The following SLC71A1 variants were observed in gnomAD, a reference collection of about 807,000 sequenced individuals.
The protein encoded by SLC71A1 is hippocampus abundant gene transcript 1.
chr1:100,063,833 A>G, the SLC71A1 span, among the ~76,000 whole-genome samples: 3 of 152,130 alleles, frequency 2.0e-5, no homozygotes, highest in Non-Finnish European at 4.4e-5. Flanking sequence ...GACCCCTGTG[A>G]TCTTTTTTCT....
the SLC71A1 span, among the ~76,000 whole-genome samples, chr1:100,081,738 A>G: frequency 0.048 from 7,380 of 152,250 alleles, 208 homozygotes; most frequent in African/African-American, 0.067. Flanking sequence ...TTAATCATAG[A>G]ATAGCTGTGT....
the SLC71A1 span, among the ~76,000 whole-genome samples, chr1:100,074,987 T>A: frequency 1.3e-5 from 2 of 152,248 alleles, no homozygotes; most frequent in Non-Finnish European, 2.9e-5. Context: ...GAATTGGGAT[T>A]TATTCTTTGA....
chr1:100,044,605 T>G, the SLC71A1 span, among the ~76,000 whole-genome samples: 1 of 148,946 alleles, frequency 6.7e-6, no homozygotes, highest in Admixed American at 6.8e-5. Flanking sequence ...AACCTCTGCC[T>G]CTCAGGTTCA....
At chr1:100,058,764 C>T in the SLC71A1 span, 59 of 974,616 alleles carry the variant, frequency 6.1e-5, no homozygotes, top group Middle Eastern at 2.1e-4. Context: ...TGTATATATA[C>T]ATACATACAC....
the SLC71A1 span, among the ~76,000 whole-genome samples, chr1:100,048,438 C>T: frequency 6.6e-6 from 1 of 152,154 alleles, no homozygotes; most frequent in Non-Finnish European, 1.5e-5. Flanking sequence ...CCTTGGCCTC[C>T]CAAAGTGCTG....
At chr1:100,077,897 A>G in the SLC71A1 span, among the ~76,000 whole-genome samples, 1 of 152,150 alleles carries the variant, frequency 6.6e-6, no homozygotes, top group Non-Finnish European at 1.5e-5. Flanking sequence ...TTGGACTTGG[A>G]TATAAGCAAG....
chr1:100,065,804 C>T, the SLC71A1 span, among the ~76,000 whole-genome samples: 7 of 150,914 alleles, frequency 4.6e-5, no homozygotes, highest in East Asian at 9.7e-4. Flanking sequence ...TCTCTTCTCT[C>T]CTCTCCTCTT....
the SLC71A1 span, among the ~76,000 whole-genome samples, chr1:100,060,750 AT>A: frequency 3.6e-3 from 527 of 145,600 alleles, 3 homozygotes; most frequent in African/African-American, 0.011. Flanking sequence ...TAAAATCAGT[AT>A]TTTTTTTTTT....
chr1:100,061,874 A>T, the SLC71A1 span: 1 of 1,613,362 alleles, frequency 6.2e-7, no homozygotes, highest in Non-Finnish European at 8.5e-7. Flanking sequence ...GGGTTTTTGC[A>T]GTGACTTTTT....
the SLC71A1 span, among the ~76,000 whole-genome samples, chr1:100,049,338 TG>T: frequency 0.042 from 6,348 of 149,748 alleles, 137 homozygotes; most frequent in African/African-American, 0.059. Flanking sequence ...TTTTTTTTTT[TG>T]GTTACATCTT....
chr1:100,056,984 G>T, the SLC71A1 span, among the ~76,000 whole-genome samples: 3 of 152,176 alleles, frequency 2.0e-5, no homozygotes, highest in Admixed American at 2.0e-4. Flanking sequence ...TGTCTATTCA[G>T]ATCTTTTGCC....
At chr1:100,082,071 C>G in the SLC71A1 span, 1 of 1,613,992 alleles carries the variant, frequency 6.2e-7, no homozygotes. Flanking sequence ...TGCTTGTTGC[C>G]TTGTTTATTC....
At chr1:100,078,513 C>T in the SLC71A1 span, 1 of 1,613,612 alleles carries the variant, frequency 6.2e-7, no homozygotes, top group Non-Finnish European at 8.5e-7. Flanking sequence ...GCTGTCAGTG[C>T]ACTTGTTTCA....
the SLC71A1 span, among the ~76,000 whole-genome samples, chr1:100,066,378 A>T: frequency 4.6e-5 from 7 of 152,122 alleles, no homozygotes; most frequent in African/African-American, 1.7e-4. Flanking sequence ...TGGATTTTAG[A>T]CTCCTTTCAC....
chr1:100,040,188 T>C, the SLC71A1 span, among the ~76,000 whole-genome samples: 6 of 152,328 alleles, frequency 3.9e-5, no homozygotes, highest in African/African-American at 1.4e-4. Flanking sequence ...CCACAGGGCC[T>C]AGTATGTGAA....
chr1:100,053,471 C>T, the SLC71A1 span, among the ~76,000 whole-genome samples: 1 of 152,160 alleles, frequency 6.6e-6, no homozygotes, highest in Non-Finnish European at 1.5e-5. Flanking sequence ...AGGATGAAGA[C>T]ATAATTTAAT....
the SLC71A1 span, among the ~76,000 whole-genome samples, chr1:100,046,209 C>G: frequency 5.9e-5 from 7 of 118,634 alleles, no homozygotes; most frequent in East Asian, 1.7e-3. Flanking sequence ...TCCTCCAAGC[C>G]TCGTTTTTTT....
the SLC71A1 span, among the ~76,000 whole-genome samples, chr1:100,051,797 G>A: frequency 1.3e-5 from 2 of 152,138 alleles, no homozygotes; most frequent in Non-Finnish European, 2.9e-5. Flanking sequence ...AACAGCCCAC[G>A]TGTATTTATA....
the SLC71A1 span, chr1:100,058,755 GTATA>G: frequency 1.6e-6 from 2 of 1,233,182 alleles, no homozygotes; most frequent in East Asian, 2.3e-5. Flanking sequence ...ATATATATGT[GTATA>G]TATACATACA....
Sources: gnomAD v4.1 joint callset for allele counts (sites outside exome capture counted in the v4.1 genomes callset) on GRCh38, gnomAD v4.1.1 for gene constraint, MANE v1.5 for transcripts, NCBI Gene and HGNC (gene_info 2026-07-23, HGNC 2026-07-21) for gene names.